The following TSNARE1 variants were observed in gnomAD, a reference collection of about 807,000 sequenced individuals.
TSNARE1 encodes t-SNARE domain-containing protein 1.
A neutral mutation model predicts 62.0 loss-of-function variants in TSNARE1; 49 were observed. That is an observed-to-expected ratio of 0.79 (90% CI 0.63 to 1.00). The LOEUF (loss-of-function observed/expected upper bound fraction) is 1.00. Ranked by LOEUF, TSNARE1 falls within the 50% of genes least tolerant of loss-of-function variation. The pLI is 0.00. For missense variants in TSNARE1, 755 were observed against 700.1 expected (o/e 1.08, Z -0.88); for synonymous variants, 328 against 294.4 (o/e 1.11, Z -1.17).
chr8:142,387,686 C>T (rs1207136249), intron 1 of TSNARE1, among the ~76,000 whole-genome samples: 1 of 152,026 alleles, frequency 6.6e-6, no homozygotes, highest in East Asian at 1.9e-4. Flanking sequence ...ATTTACAAAA[C>T]TGATCCCAGA....
chr8:142,261,286 G>A (rs1000412618), intron 12 of TSNARE1, among the ~76,000 whole-genome samples: 3 of 133,490 alleles, frequency 2.2e-5, no homozygotes, highest in Non-Finnish European at 4.9e-5. Context: ...GAGGATAGAG[G>A]GAGGGAGGAG....
intron 10 of TSNARE1, among the ~76,000 whole-genome samples, chr8:142,297,778 G>GT (rs1825016760): frequency 6.6e-6 from 1 of 152,238 alleles, no homozygotes; most frequent in Non-Finnish European, 1.5e-5. Context: ...GCTGCAGACC[G>GT]TGGGGAGGGC....
chr8:142,217,378 G>A (rs1182624680), intron 13 of TSNARE1, among the ~76,000 whole-genome samples: 1 of 139,222 alleles, frequency 7.2e-6, no homozygotes, highest in African/African-American at 2.9e-5. Context: ...AAAGAAAAAA[G>A]GGAAAGAAAG....
chr8:142,228,195 C>T (rs148294733), intron 13 of TSNARE1, among the ~76,000 whole-genome samples: 78 of 152,366 alleles, frequency 5.1e-4, no homozygotes, highest in Admixed American at 3.7e-3. Context: ...CCAGCTAAGC[C>T]GCTTCCAAAT....
intron 2 of TSNARE1, 27 bp downstream of exon 2, chr8:142,354,610 G>GC: frequency 8.0e-7 from 1 of 1,253,204 alleles, no homozygotes; most frequent in Non-Finnish European, 1.2e-6. Context: ...CCTCCTCCCC[G>GC]CCCCCACTTC....
At position 142,291,670 on chromosome 8, in the gene TSNARE1, C is replaced by T. The variant is rs928776075; in HGVS notation, c.1291-7185G>A. On this transcript the variant is annotated intron_variant, in intron 10 of 13. Coordinates refer to ENST00000524325, the MANE Select transcript of TSNARE1 (RefSeq NM_145003.5). The surrounding 1 kb of genome is among the most constrained non-coding windows in gnomAD (Gnocchi z 4.8). ...GCCGTTGCCTCCGCGGGCTTACGCTCGAGTGGCGAGAGATGAATCCTAACG... is the reference window on the plus strand; with the variant it reads ...GCCGTTGCCTCCGCGGGCTTACGCTTGAGTGGCGAGAGATGAATCCTAACG... Among the ~76,000 whole-genome samples the T allele has an allele frequency of 6.6e-6, 1 of 152,166 alleles. No homozygotes were observed. The highest frequency in any genetic ancestry group is 2.4e-5 in the African/African-American group (1 of 41,446).
intron 11 of TSNARE1, 84 bp from the exon 12 acceptor site, chr8:142,274,947 G>A: frequency 7.1e-7 from 1 of 1,406,610 alleles, no homozygotes; most frequent in Non-Finnish European, 9.3e-7. Flanking sequence ...GGCAAGCCCA[G>A]GGAGCCTGAG....
At chr8:142,331,948 G>T in intron 4 of TSNARE1, 117 bp from the exon 5 acceptor site, 1 of 996,590 alleles carries the variant, frequency 1.0e-6, no homozygotes, top group Non-Finnish European at 1.5e-6. Context: ...CAGCAGAGTG[G>T]CCCTGAACCC....
chr8:142,399,058 C>T (rs899880953), intron 1 of TSNARE1, among the ~76,000 whole-genome samples: 1 of 152,212 alleles, frequency 6.6e-6, no homozygotes, highest in South Asian at 2.1e-4. Flanking sequence ...GAAGCAAGGC[C>T]CCTGCAGGAG....
At chr8:142,271,585 G>C in intron 12 of TSNARE1, 1 of 1,424,492 alleles carries the variant, frequency 7.0e-7, no homozygotes. Context: ...AGGTGGGTGC[G>C]TGGAAGACTC....
chr8:142,375,539 T>G (rs778991088), intron 1 of TSNARE1, among the ~76,000 whole-genome samples: 1 of 152,200 alleles, frequency 6.6e-6, no homozygotes, highest in African/African-American at 2.4e-5. Context: ...CAGGCAGGCC[T>G]GGCAGCAGCT....
intron 9 of TSNARE1, among the ~76,000 whole-genome samples, chr8:142,301,752 T>C (rs1326861878): frequency 6.6e-6 from 1 of 151,074 alleles, no homozygotes; most frequent in Admixed American, 6.6e-5. Context: ...AGGACCGGCC[T>C]CACCAGGAGC....
chr8:142,356,571 A>G (rs868627409), intron 1 of TSNARE1, among the ~76,000 whole-genome samples: 4 of 152,182 alleles, frequency 2.6e-5, no homozygotes, highest in South Asian at 4.1e-4. Flanking sequence ...CCCAAGACAC[A>G]TGGGGGAAAC....
At chr8:142,368,104 GAACA>G (rs1426928252) in intron 1 of TSNARE1, among the ~76,000 whole-genome samples, 1 of 150,576 alleles carries the variant, frequency 6.6e-6, no homozygotes, top group Non-Finnish European at 1.5e-5. Flanking sequence ...AAAAGCAAGT[GAACA>G]AACAAAAAAA....
At chr8:142,376,301 T>C (rs557601739) in intron 1 of TSNARE1, among the ~76,000 whole-genome samples, 1 of 152,200 alleles carries the variant, frequency 6.6e-6, no homozygotes, top group Non-Finnish European at 1.5e-5. Context: ...AGGGCGACCC[T>C]GGGGCCCAGT....
chr8:142,381,423 C>G (rs978389657), intron 1 of TSNARE1, among the ~76,000 whole-genome samples: 10 of 152,174 alleles, frequency 6.6e-5, no homozygotes, highest in South Asian at 2.1e-4. Context: ...CCGGCCTCCC[C>G]CTTCCAGCAC....
chr8:142,336,017 T>A (rs1240674130), intron 4 of TSNARE1, among the ~76,000 whole-genome samples: 2 of 152,124 alleles, frequency 1.3e-5, no homozygotes, highest in African/African-American at 2.4e-5. Flanking sequence ...GCGTGGCGGC[T>A]CATGCCTGTA....
At chr8:142,284,598 A>G in intron 10 of TSNARE1, 113 bp from the exon 11 acceptor site, 5 of 805,452 alleles carry the variant, frequency 6.2e-6, no homozygotes, top group Non-Finnish European at 1.1e-5. Context: ...CTGCAGAATC[A>G]GGAACCAGAG....
chr8:142,231,544 C>A (rs531892581), intron 12 of TSNARE1, among the ~76,000 whole-genome samples: 1 of 152,156 alleles, frequency 6.6e-6, no homozygotes. Flanking sequence ...CAGGACAAGG[C>A]GCACTGAATT....
Sources: allele counts gnomAD v4.1 joint callset (sites outside exome capture counted in the v4.1 genomes callset), GRCh38; gene constraint gnomAD v4.1.1; non-coding constraint Gnocchi (gnomAD v3.1); transcripts MANE v1.5; gene names NCBI Gene and HGNC (gene_info 2026-07-23, HGNC 2026-07-21).